Variants in RPS6KC1 observed in about 807,000 individuals in gnomAD.
The protein encoded by RPS6KC1 is inactive ribosomal protein S6 kinase delta-1.
In RPS6KC1, 54 loss-of-function variants were observed where a neutral mutation model predicts 103.8. That is an observed-to-expected ratio of 0.52 (90% CI 0.42 to 0.65). The LOEUF is 0.65. RPS6KC1 is among the 30% of genes least tolerant of loss of function. The pLI is 0.00. For missense variants in RPS6KC1, 1,151 were observed against 1,253.8 expected (o/e 0.92, Z 1.24); for synonymous variants, 439 against 438.7 (o/e 1.00, Z -0.01).
At chr1:213,076,954 C>T (rs1386888576) in intron 2 of RPS6KC1, among the ~76,000 whole-genome samples, 1 of 151,836 alleles carries the variant, frequency 6.6e-6, no homozygotes, top group South Asian at 2.1e-4. Context: ...ACTGCAACCT[C>T]TGTCTCCTGG....
At chr1:213,265,640 A>G (rs1234231056) in intron 14 of RPS6KC1, among the ~76,000 whole-genome samples, 1 of 152,254 alleles carries the variant, frequency 6.6e-6, no homozygotes, top group Non-Finnish European at 1.5e-5. Context: ...TCTCTTAACA[A>G]ATCGTAGCAA....
chr1:213,720,632 G>T, the RPS6KC1 span, among the ~76,000 whole-genome samples: 3 of 152,202 alleles, frequency 2.0e-5, no homozygotes, highest in Admixed American at 1.3e-4. Flanking sequence ...TTAGAGATAG[G>T]TTCTTAGAGA....
chr1:213,239,353 A>G (rs2094299321), intron 10 of RPS6KC1, among the ~76,000 whole-genome samples: 1 of 152,092 alleles, frequency 6.6e-6, no homozygotes, highest in Non-Finnish European at 1.5e-5. Context: ...AAAAAGTTAA[A>G]TAAATAAAAT....
the RPS6KC1 span, among the ~76,000 whole-genome samples, chr1:213,315,245 C>T: frequency 6.6e-6 from 1 of 152,190 alleles, no homozygotes; most frequent in Non-Finnish European, 1.5e-5. Context: ...TGGCAAAAGT[C>T]GAATCCCAGG....
At chr1:213,215,290 C>A (rs566448376) in intron 8 of RPS6KC1, among the ~76,000 whole-genome samples, 4 of 151,980 alleles carry the variant, frequency 2.6e-5, no homozygotes, top group Non-Finnish European at 5.9e-5. Context: ...GATGGAAGAT[C>A]AAATGAATGA....
the RPS6KC1 span, among the ~76,000 whole-genome samples, chr1:213,568,557 G>A: frequency 6.6e-6 from 1 of 152,198 alleles, no homozygotes. Context: ...AGACCAACAG[G>A]TAAGGGAACT....
At chr1:213,672,524 C>A in the RPS6KC1 span, among the ~76,000 whole-genome samples, 3 of 152,160 alleles carry the variant, frequency 2.0e-5, no homozygotes, top group Admixed American at 2.0e-4. Context: ...ATTATCTTAG[C>A]CTCTGTGATT....
intron 6 of RPS6KC1, among the ~76,000 whole-genome samples, chr1:213,159,000 T>A (rs1385738542): frequency 1.3e-5 from 2 of 152,192 alleles, no homozygotes; most frequent in African/African-American, 4.8e-5. Flanking sequence ...TGATCTCTCA[T>A]GTAGTGAGAA....
At chr1:213,196,174 C>A (rs1004892143) in intron 8 of RPS6KC1, among the ~76,000 whole-genome samples, 3 of 151,968 alleles carry the variant, frequency 2.0e-5, no homozygotes, top group African/African-American at 7.3e-5. Context: ...TATGGTTATT[C>A]TTTCAGGAGT....
chr1:213,541,582 T>C, the RPS6KC1 span, among the ~76,000 whole-genome samples: 3,530 of 152,050 alleles, frequency 0.023, 139 homozygotes, highest in African/African-American at 0.08. Flanking sequence ...TAAAAAAAAA[T>C]CCACAATGCC....
chr1:213,784,569 A>C, the RPS6KC1 span, among the ~76,000 whole-genome samples: 2 of 152,198 alleles, frequency 1.3e-5, no homozygotes, highest in Non-Finnish European at 2.9e-5. Flanking sequence ...GAGGTTTCTG[A>C]GAATCAGAGA....
At chr1:213,194,922 C>G (rs1464494677) in intron 8 of RPS6KC1, among the ~76,000 whole-genome samples, 1 of 152,072 alleles carries the variant, frequency 6.6e-6, no homozygotes, top group African/African-American at 2.4e-5. Context: ...AGGTTGGTGA[C>G]TGCTGGTTTA....
chr1:213,574,871 G>A, the RPS6KC1 span, among the ~76,000 whole-genome samples: 3 of 152,158 alleles, frequency 2.0e-5, no homozygotes, highest in African/African-American at 4.8e-5. Flanking sequence ...TGGCAAGACC[G>A]AGTCACTGTG....
chr1:213,464,063 A>G, the RPS6KC1 span, among the ~76,000 whole-genome samples: 1 of 152,268 alleles, frequency 6.6e-6, no homozygotes, highest in East Asian at 1.9e-4. Flanking sequence ...TTGGTTCATT[A>G]TTTTTTAGTA....
chr1:213,397,252 C>A, the RPS6KC1 span, among the ~76,000 whole-genome samples: 1 of 152,068 alleles, frequency 6.6e-6, no homozygotes, highest in Non-Finnish European at 1.5e-5. Context: ...TGGCAGAAGA[C>A]TACCCTTACT....
chr1:213,074,345 A>C (rs1177291430), intron 2 of RPS6KC1, among the ~76,000 whole-genome samples: 1 of 152,208 alleles, frequency 6.6e-6, no homozygotes, highest in African/African-American at 2.4e-5. Context: ...AATAAATAAG[A>C]AACTTATGGA....
the RPS6KC1 span, among the ~76,000 whole-genome samples, chr1:213,624,901 T>C: frequency 6.6e-6 from 1 of 152,162 alleles, no homozygotes; most frequent in Non-Finnish European, 1.5e-5. Flanking sequence ...TTTCAAGATA[T>C]CAATTTGAGG....
chr1:213,613,574 C>T, the RPS6KC1 span, among the ~76,000 whole-genome samples: 2 of 152,184 alleles, frequency 1.3e-5, no homozygotes, highest in African/African-American at 4.8e-5. Flanking sequence ...TGGCAGTGTC[C>T]AGTCTTGCAG....
At chr1:213,438,292 G>T in the RPS6KC1 span, among the ~76,000 whole-genome samples, 1 of 151,930 alleles carries the variant, frequency 6.6e-6, no homozygotes, top group East Asian at 1.9e-4. Flanking sequence ...TTTTTTCTCC[G>T]TAGTCTCAGT....
Sources: allele counts gnomAD v4.1 joint callset (sites outside exome capture counted in the v4.1 genomes callset), GRCh38; gene constraint gnomAD v4.1.1; transcripts MANE v1.5; gene names NCBI Gene and HGNC (gene_info 2026-07-23, HGNC 2026-07-21).